The following BTD variants were observed in gnomAD, a reference collection of about 807,000 sequenced individuals.
The protein encoded by BTD is biocytinase.
A neutral mutation model predicts 17.7 loss-of-function variants in BTD; 13 were observed. That is an observed-to-expected ratio of 0.74 (90% CI 0.48 to 1.17). The LOEUF is 1.17. BTD is among the 50% of genes most tolerant of loss of function. The pLI, the probability that BTD is intolerant of heterozygous loss-of-function variation, is 0.00. For missense variants in BTD, 674 were observed against 650.4 expected, an observed-to-expected ratio of 1.04 and a Z score of -0.39; for synonymous variants, 240 against 245.2, an observed-to-expected ratio of 0.98 and a Z score of 0.20.
rs1427277009 is a variant in BTD, at chr3:15,649,456, G to T, written c.*3968G>T. Among the ~76,000 whole-genome samples the T allele has an allele frequency of 6.6e-6, 1 of 152,198 alleles. No homozygotes were observed. The highest frequency in any genetic ancestry group is 1.5e-5 in the Non-Finnish European group (1 of 68,034). ...TCATTGGGTACCATCCTGCAGGTGG[G>T]CTGCCACTCTGCTCAATCCAAATCA... On this transcript the variant is annotated 3_prime_UTR_variant, in exon 4 of 4. Coordinates refer to ENST00000643237, the MANE Select transcript of BTD (RefSeq NM_001370658.1).
chr3:15,669,040 T>C (rs909328874), intron 3 of BTD: 1 of 152,486 alleles, frequency 6.6e-6, no homozygotes, highest in Non-Finnish European at 1.5e-5. Flanking sequence ...ATTTGAAAGG[T>C]AGTCTTCAAT....
rs540402618 is a variant in BTD at position 15,690,896 on chromosome 3, G to C, written c.400-19164G>C. Among the ~76,000 whole-genome samples, 3 of 152,214 alleles carry C rather than the reference G, an allele frequency of 2.0e-5. No homozygotes were observed. The South Asian group carries it at 6.2e-4, about 32-fold the overall frequency. On this transcript the variant is annotated intron_variant, in intron 3 of 3. Transcript: ENST00000672141. ...AGCCTGTGTTCTTAATCACAGTTCAGTGCTCCACATCAACTGCAAAGACAG... is the reference window on the plus strand; with the variant it reads ...AGCCTGTGTTCTTAATCACAGTTCACTGCTCCACATCAACTGCAAAGACAG...
rs374450983 is a variant in BTD, at chr3:15,684,983, G to C, written c.400-25077G>C. The C allele has an allele frequency of 1.4e-4, 71 of 494,698 alleles. 1 individual carries two copies. The highest frequency in any genetic ancestry group is 1.3e-3 in the African/African-American group (69 of 51,278). The allele number at this position is 494,698 out of a possible 1,614,324, so 30.6% of individuals were successfully genotyped here. A position where few individuals can be genotyped will look rare whatever the true frequency, so the allele number is the denominator to read the frequency against. ...AACTAAAAAAGAAAAGAAAAGAAAAGAAAAACCTCAAAAATACTTCATGGC... is the reference window on the plus strand; with the variant it reads ...AACTAAAAAAGAAAAGAAAAGAAAACAAAAACCTCAAAAATACTTCATGGC... On this transcript the variant is annotated intron_variant, in intron 3 of 3. Transcript: ENST00000672141.
intron 3 of BTD, among the ~76,000 whole-genome samples, chr3:15,661,491 T>A (rs2455803): frequency 0.037 from 5,616 of 152,260 alleles, 162 homozygotes; most frequent in Non-Finnish European, 0.053. Flanking sequence ...GGTCCAATTT[T>A]AAAAGTTGCT....
chr3:15,671,205 CCT>C (rs1229372955), intron 3 of BTD, among the ~76,000 whole-genome samples: 1 of 152,108 alleles, frequency 6.6e-6, no homozygotes, highest in African/African-American at 2.4e-5. Context: ...GTAAATATTC[CCT>C]TTTTTTAAGC....
At chr3:15,662,856 T>TG (rs1266374010) in intron 3 of BTD, among the ~76,000 whole-genome samples, 1 of 149,530 alleles carries the variant, frequency 6.7e-6, no homozygotes, top group Non-Finnish European at 1.5e-5. Flanking sequence ...GCTGGAGGTT[T>TG]TTTTTTTTTT....
chr3:15,699,449 A>G (rs930968031), intron 3 of BTD, among the ~76,000 whole-genome samples: 2 of 152,208 alleles, frequency 1.3e-5, no homozygotes, highest in Non-Finnish European at 2.9e-5. Flanking sequence ...ATCAGAGTGA[A>G]CAGGCAATCT....
upstream of BTD, chr3:15,601,404 G>A (rs1299766391): frequency 6.2e-7 from 1 of 1,614,070 alleles, no homozygotes; most frequent in African/African-American, 1.3e-5. Context: ...GGGCCTGAGC[G>A]ATGACTTTAG....
intron 1 of BTD, among the ~76,000 whole-genome samples, chr3:15,630,617 C>T (rs2065181959): frequency 6.6e-6 from 1 of 152,136 alleles, no homozygotes; most frequent in Admixed American, 6.5e-5. Context: ...CAGAAACTGG[C>T]TAATCAAAGG....
chr3:15,715,994 CT>C (rs5846874), downstream of BTD, among the ~76,000 whole-genome samples: 221 of 142,486 alleles, frequency 1.6e-3, 3 homozygotes, highest in South Asian at 0.02. Flanking sequence ...TTTTTTCTCT[CT>C]TTTTTTTTTT....
intron 1 of BTD, among the ~76,000 whole-genome samples, chr3:15,603,623 C>T (rs551457958): frequency 9.9e-5 from 15 of 152,192 alleles, no homozygotes; most frequent in Admixed American, 6.5e-4. Flanking sequence ...GGCCACTGCA[C>T]TCCAGCCTGG....
intron 3 of BTD, among the ~76,000 whole-genome samples, chr3:15,665,974 C>A (rs1249816790): frequency 6.6e-6 from 1 of 152,182 alleles, no homozygotes; most frequent in African/African-American, 2.4e-5. Context: ...TCTGCAGAGG[C>A]ATGAGTAAGA....
At chr3:15,677,558 C>T in intron 3 of BTD, 1 of 1,609,456 alleles carries the variant, frequency 6.2e-7, no homozygotes, top group Non-Finnish European at 8.5e-7. Flanking sequence ...TGCTAACCAG[C>T]ATCTCTGGGA....
At chr3:15,702,907 CAAACAATTCATATATACTA>C (rs1377541976) in intron 3 of BTD, among the ~76,000 whole-genome samples, 1 of 151,910 alleles carries the variant, frequency 6.6e-6, no homozygotes, top group African/African-American at 2.4e-5. Flanking sequence ...AGAACTGTTC[CAAACAATTCATATATACTA>C]AACCATTTTA....
chr3:15,707,900 C>T (rs764572820), intron 3 of BTD: 1 of 1,592,994 alleles, frequency 6.3e-7, no homozygotes, highest in Admixed American at 1.7e-5. Flanking sequence ...ATTGATCCTC[C>T]ACTCTCACTC....
chr3:15,711,402 G>T, exon 4 of BTD: 1 of 689,086 alleles, frequency 1.5e-6, no homozygotes, highest in Non-Finnish European at 2.4e-6. Context: ...TTAAGTGCTA[G>T]AGTGCCTGTT....
chr3:15,642,048 T>G lies in BTD; in HGVS notation c.390T>G (p.Asn130Lys), dbSNP rs2065525768. 9 of 1,614,166 alleles carry G rather than the reference T, an allele frequency of 5.6e-6. No individual in the cohort carries two copies. The highest frequency in any genetic ancestry group is 7.6e-6 in the Non-Finnish European group (9 of 1,180,040). Reference protein sequence around the residue: ...WNPCLEPHRFNDTEVLQRLSC... With the variant: ...WNPCLEPHRFKDTEVLQRLSC... ...CATGCCTGGAGCCTCACCGCTTCAA[T>G]GACACAGAGGTGATTCCTGCCTTTT... Residue 130 changes from asparagine to lysine, a missense_variant, in exon 3 of 4, where the codon AAT becomes AAG. Physicochemically the swap from Asn to Lys is moderately conservative, Grantham distance 94. Coordinates refer to ENST00000643237, the MANE Select transcript of BTD (RefSeq NM_001370658.1).
intron 1 of BTD, among the ~76,000 whole-genome samples, chr3:15,606,017 T>G: frequency 8.3e-6 from 1 of 120,824 alleles, no homozygotes; most frequent in African/African-American, 3.4e-5. Context: ...TACTCTAGCC[T>G]GGGTGACAGA....
At chr3:15,698,945 C>T (rs1306225594) in intron 3 of BTD, among the ~76,000 whole-genome samples, 3 of 152,232 alleles carry the variant, frequency 2.0e-5, no homozygotes, top group African/African-American at 7.2e-5. Flanking sequence ...CAATCCTAAG[C>T]CAAAAGAACA....
Sources: gnomAD v4.1 joint callset for allele counts (sites outside exome capture counted in the v4.1 genomes callset) on GRCh38, gnomAD v4.1.1 for gene constraint, MANE v1.5 for transcripts, NCBI Gene and HGNC (gene_info 2026-07-23, HGNC 2026-07-21) for gene names.